ANKRD12: variants seen among roughly 807,000 people sequenced by gnomAD.
ANKRD12 encodes ankyrin repeat domain-containing protein 12.
Under a neutral mutation model 183.4 loss-of-function variants are expected in ANKRD12, and 85 were observed. That is an observed-to-expected ratio of 0.46 (90% confidence interval 0.39 to 0.56). ANKRD12 has a LOEUF of 0.56. Ranked by LOEUF, ANKRD12 falls within the 20% of genes least tolerant of loss-of-function variation. ANKRD12 has a pLI of 0.00. For synonymous variants in ANKRD12, 914 were observed against 800.2 expected (o/e 1.14, Z -2.40); for missense variants, 2,405 against 2,357.1 (o/e 1.02, Z -0.42).
At chr18:9,216,038 C>G (rs1191605470) in intron 6 of ANKRD12, among the ~76,000 whole-genome samples, 1 of 144,374 alleles carries the variant, frequency 6.9e-6, no homozygotes, top group Non-Finnish European at 1.5e-5. Context: ...TTTTTAAACA[C>G]CAATCCTTGT....
chr18:9,196,540 C>G (rs1598521534), intron 3 of ANKRD12, among the ~76,000 whole-genome samples: 1 of 152,104 alleles, frequency 6.6e-6, no homozygotes, highest in Admixed American at 6.6e-5. Context: ...TATATTCTGC[C>G]TATATCTTTC....
At chr18:9,245,770 G>A (rs1481768530) in intron 8 of ANKRD12, among the ~76,000 whole-genome samples, 1 of 152,076 alleles carries the variant, frequency 6.6e-6, no homozygotes, top group African/African-American at 2.4e-5. Context: ...AGATTTTTGT[G>A]GCAGGGTTGT....
intron 1 of ANKRD12, among the ~76,000 whole-genome samples, chr18:9,152,977 A>C (rs1330346203): frequency 2.6e-5 from 4 of 151,968 alleles, no homozygotes; most frequent in Non-Finnish European, 5.9e-5. Flanking sequence ...CATATGTTAC[A>C]TAATGTCCTC....
intron 8 of ANKRD12, among the ~76,000 whole-genome samples, chr18:9,236,142 A>G (rs1229626313): frequency 6.6e-6 from 1 of 152,182 alleles, no homozygotes; most frequent in Admixed American, 6.5e-5. Flanking sequence ...GGAGACAGGG[A>G]AAGTGGGGAA....
chr18:9,207,327 A>C (rs2035543066), intron 4 of ANKRD12, among the ~76,000 whole-genome samples: 1 of 152,110 alleles, frequency 6.6e-6, no homozygotes, highest in South Asian at 2.1e-4. Context: ...GGAAAAAAAT[A>C]AAGTTGATTT....
In ANKRD12 at chr18:9,196,108, AACACACACACACAC is replaced by A. The variant is rs36156556; in HGVS notation, c.235+440_235+453del. Among the ~76,000 whole-genome samples, 114 of 64,160 alleles carry A rather than the reference AACACACACACACAC, an allele frequency of 1.8e-3. 1 individual carries two copies. Among genetic ancestry groups the A allele is most frequent in the African/African-American group, 5.1e-3 (92 of 18,170 alleles). The allele number at this position is 64,160 out of a possible 152,430, so 42.1% of individuals were successfully genotyped here. Reference sequence around the variant, plus strand: ...TTCAGAAATAAATTAGAAACATGCAAACACACACACACACACACACACACACACACACACACACA... The same window carrying A: ...TTCAGAAATAAATTAGAAACATGCAAACACACACACACACACACACACACA... On this transcript the variant is annotated intron_variant, in intron 3 of 12. Coordinates refer to ENST00000262126, the MANE Select transcript of ANKRD12 (RefSeq NM_015208.5).
chr18:9,188,168 T>A (rs947881536), intron 2 of ANKRD12, among the ~76,000 whole-genome samples: 1 of 152,174 alleles, frequency 6.6e-6, no homozygotes, highest in African/African-American at 2.4e-5. Context: ...AGTATCATTG[T>A]TTGTGCCTGT....
rs1008032967 is a variant in ANKRD12, at chr18:9,142,462, A to G, written c.-52+5497A>G. ...CATTAGCAAACCTAAAGGAAGAGAA[A>G]GGAGAGACATGCACTTCTATTTTCT... is the stretch of plus-strand genomic sequence containing the variant. On this transcript the variant is annotated intron_variant, in intron 1 of 12. Coordinates refer to ENST00000262126, the MANE Select transcript of ANKRD12 (RefSeq NM_015208.5). Among the ~76,000 whole-genome samples the G allele has an allele frequency of 2.6e-5, 4 of 152,244 alleles. No individual in the cohort carries two copies. The East Asian group carries it at 5.8e-4, about 22-fold the overall frequency.
intron 8 of ANKRD12, chr18:9,235,636 A>G (rs1322825524): frequency 8.8e-6 from 4 of 456,276 alleles, no homozygotes; most frequent in South Asian, 6.2e-5. Context: ...CTTCATCCTC[A>G]GGATCCAGCT....
At chr18:9,190,950 C>T (rs1464646731) in intron 2 of ANKRD12, among the ~76,000 whole-genome samples, 1 of 152,006 alleles carries the variant, frequency 6.6e-6, no homozygotes, top group African/African-American at 2.4e-5. Context: ...CAAGGTATGC[C>T]TTGATATTGT....
rs536075210 is a variant in ANKRD12, at chr18:9,266,878, C to A, written c.5763+2990C>A. ...TGCTGTATTCAGGAAACCCATCTCA[C>A]GTGCAGAGACACACATAGGCTCAAA... is the stretch of plus-strand genomic sequence containing the variant. On this transcript the variant is annotated intron_variant, in intron 10 of 12. Transcript: ENST00000262126. Among the ~76,000 whole-genome samples the A allele has an allele frequency of 3.5e-3, 530 of 152,218 alleles. 4 individuals are homozygous for A. The highest frequency in any genetic ancestry group is 6.3e-3 in the Non-Finnish European group (430 of 68,028).
intron 1 of ANKRD12, among the ~76,000 whole-genome samples, chr18:9,156,137 CAAA>C (rs34154495): frequency 1.8e-3 from 185 of 104,088 alleles, no homozygotes; most frequent in African/African-American, 6.5e-3. Context: ...GACTCTGTCT[CAAA>C]AAAAAAAAAA....
chr18:9,183,697 C>CT (rs1313884831), intron 2 of ANKRD12, among the ~76,000 whole-genome samples: 2 of 151,998 alleles, frequency 1.3e-5, no homozygotes, highest in Non-Finnish European at 2.9e-5. Flanking sequence ...CCGGATATTT[C>CT]TTTTTTTGTT....
intron 1 of ANKRD12, among the ~76,000 whole-genome samples, chr18:9,157,955 G>A (rs115187904): frequency 6.6e-6 from 1 of 152,048 alleles, no homozygotes; most frequent in African/African-American, 2.4e-5. Context: ...GGATATAGAC[G>A]TGAAACCAGG....
At chr18:9,216,367 T>C (rs935047206) in intron 6 of ANKRD12, among the ~76,000 whole-genome samples, 2 of 152,234 alleles carry the variant, frequency 1.3e-5, no homozygotes, top group Non-Finnish European at 2.9e-5. Context: ...ATAACAATTT[T>C]TCTCTAGCTT....
chr18:9,211,575 T>A lies in ANKRD12; in HGVS notation c.452-9T>A, dbSNP rs2035807742. 1.2e-6 allele frequency: 2 copies of A among 1,612,654 alleles called. No individual in the cohort carries two copies. The highest frequency in any genetic ancestry group is 3.3e-4 in the Middle Eastern group (2 of 6,056). ...CTAGAACTTCTGCTAACTTTCTTCT[T>A]TCTTACAGATTCCACACCAAATCAT... On this transcript the variant is annotated splice_polypyrimidine_tract_variant and intron_variant, in intron 5 of 12. Transcript: ENST00000262126.
At chr18:9,246,688 ATTT>A (rs1315531240) in intron 8 of ANKRD12, among the ~76,000 whole-genome samples, 1 of 152,352 alleles carries the variant, frequency 6.6e-6, no homozygotes, top group African/African-American at 2.4e-5. Context: ...ATTTGGCAGT[ATTT>A]GATGTCAAAA....
Position 9,204,435 on chromosome 18 carries a change from G to A in ANKRD12, c.236-41G>A, listed in dbSNP as rs201125084. ...TTTGTTGAATTCTGCATTTCCCTCC[G>A]TGTGCTTTTTTCTCTTCTCCTGTCT... On this transcript the variant is annotated intron_variant, in intron 3 of 12. Coordinates refer to ENST00000262126, the MANE Select transcript of ANKRD12 (RefSeq NM_015208.5). 35 of 1,409,308 alleles carry A rather than the reference G, an allele frequency of 2.5e-5. No individual in the cohort carries two copies. The East Asian group carries it at 5.3e-4, about 21-fold the overall frequency. 87.3% of individuals were successfully genotyped at this position (1,409,308 alleles called of 1,614,324 possible). A position where few individuals can be genotyped will look rare whatever the true frequency, so the allele number is the denominator to read the frequency against.
chr18:9,256,566 A>G lies in ANKRD12; in HGVS notation c.3299A>G (p.Glu1100Gly). The change falls in exon 9 of 13, where the codon GAA becomes GGA. Residue 1100 changes from glutamate (E) to glycine (G), a missense_variant. Transcript: ENST00000262126. ...EIEQWHKKHKEKIKQKEKERL... is the reference protein window; with the variant it reads ...EIEQWHKKHKGKIKQKEKERL... ...GAACAGTGGCACAAAAAACATAAGG[A>G]AAAAATTAAGCAAAAAGAAAAGGAA... 1 of 1,596,340 alleles carries G rather than the reference A, an allele frequency of 6.3e-7. No homozygotes were observed. The highest frequency in any genetic ancestry group is 8.5e-7 in the Non-Finnish European group (1 of 1,175,900).
Sources: gnomAD v4.1 joint callset for allele counts (sites outside exome capture counted in the v4.1 genomes callset) on GRCh38, gnomAD v4.1.1 for gene constraint, MANE v1.5 for transcripts, NCBI Gene and HGNC (gene_info 2026-07-23, HGNC 2026-07-21) for gene names.